The following PDE11A variants were observed in gnomAD, a reference collection of about 807,000 sequenced individuals.
PDE11A encodes dual 3',5'-cyclic-AMP and -GMP phosphodiesterase 11A.
In PDE11A, 100 loss-of-function variants were observed where a neutral mutation model predicts 100.5. The observed-to-expected ratio is 1.00, with a 90% confidence interval of 0.85 to 1.18. PDE11A has a LOEUF of 1.18. PDE11A is among the 50% of genes most tolerant of loss of function. The pLI, the probability that PDE11A is intolerant of heterozygous loss-of-function variation, is 0.00. For missense variants in PDE11A, 1,141 were observed against 1,152.6 expected, an observed-to-expected ratio of 0.99 and a Z score of 0.15; for synonymous variants, 381 against 420.8, an observed-to-expected ratio of 0.91 and a Z score of 1.16.
chr2:178,107,814 C>T (rs1391091352), intron 1 of PDE11A, among the ~76,000 whole-genome samples: 1 of 150,390 alleles, frequency 6.6e-6, no homozygotes, highest in Non-Finnish European at 1.5e-5. Flanking sequence ...CTCCGCTTCC[C>T]GGGTTCAAGT....
At chr2:177,668,707 C>T (rs2080627228) in intron 18 of PDE11A, among the ~76,000 whole-genome samples, 1 of 152,180 alleles carries the variant, frequency 6.6e-6, no homozygotes, top group South Asian at 2.1e-4. Context: ...TCCAAATGTT[C>T]AAGCTCAGTT....
intron 2 of PDE11A, among the ~76,000 whole-genome samples, chr2:177,966,802 T>C (rs1328760446): frequency 6.6e-6 from 1 of 152,172 alleles, no homozygotes. Context: ...CAGGGATGTA[T>C]GCCTGAAATT....
intron 1 of PDE11A, among the ~76,000 whole-genome samples, chr2:178,039,944 T>C (rs577554983): frequency 9.2e-5 from 14 of 151,816 alleles, no homozygotes; most frequent in East Asian, 5.8e-4. Flanking sequence ...GGCAAAGTCA[T>C]GGGGAGGGAA....
intron 1 of PDE11A, among the ~76,000 whole-genome samples, chr2:178,107,721 C>CTTTTTTTTTTTT (rs1159976078): frequency 1.6e-5 from 2 of 123,064 alleles, no homozygotes; most frequent in African/African-American, 3.0e-5. Flanking sequence ...CTTTTTTTTT[C>CTTTTTTTTTTTT]TTTTTTTTTT....
At chr2:177,790,936 G>C (rs547596804) in intron 9 of PDE11A, among the ~76,000 whole-genome samples, 159 of 152,326 alleles carry the variant, frequency 1.0e-3, no homozygotes, top group Admixed American at 2.4e-3. Context: ...TACACTGTTG[G>C]AGAGACTGTA....
chr2:177,719,406 C>G lies in PDE11A; in HGVS notation c.2044-7528G>C, dbSNP rs73028337. On this transcript the variant is annotated intron_variant, in intron 12 of 19. Transcript: ENST00000286063. Reference sequence around the variant, plus strand: ...TATGCTCCACCATGGATTCTGATGTCCAGGCACTGCAGCAGAGCCCTAGGT... The same window carrying G: ...TATGCTCCACCATGGATTCTGATGTGCAGGCACTGCAGCAGAGCCCTAGGT... Among the ~76,000 whole-genome samples, 912 of 152,260 alleles carry G rather than the reference C, an allele frequency of 6.0e-3. 10 individuals carry two copies. The highest frequency in any genetic ancestry group is 0.02 in the African/African-American group (843 of 41,558).
At chr2:177,854,701 C>A (rs1370658649) in intron 5 of PDE11A, among the ~76,000 whole-genome samples, 1 of 152,046 alleles carries the variant, frequency 6.6e-6, no homozygotes, top group Non-Finnish European at 1.5e-5. Flanking sequence ...AACTTTGTAA[C>A]AATGAAGCTT....
intron 12 of PDE11A, among the ~76,000 whole-genome samples, chr2:177,713,159 C>A (rs1056845700): frequency 6.6e-6 from 1 of 152,112 alleles, no homozygotes; most frequent in Non-Finnish European, 1.5e-5. Flanking sequence ...CAGGCACCCA[C>A]CACCACGCCC....
chr2:177,654,754 A>G (rs1387084131), intron 19 of PDE11A, among the ~76,000 whole-genome samples: 5 of 152,174 alleles, frequency 3.3e-5, no homozygotes. Flanking sequence ...TATTTTCTTT[A>G]CTGTTCTCAT....
chr2:177,723,131 G>T (rs1290292842), intron 12 of PDE11A: 1 of 152,072 alleles, frequency 6.6e-6, no homozygotes, highest in African/African-American at 2.4e-5. Flanking sequence ...CTTCCAGAAT[G>T]AATTTTCTAC....
intron 19 of PDE11A, among the ~76,000 whole-genome samples, chr2:177,645,241 A>G (rs2080205912): frequency 6.6e-6 from 1 of 152,158 alleles, no homozygotes; most frequent in African/African-American, 2.4e-5. Flanking sequence ...GCTGGAGTGC[A>G]GTGGCACAAA....
chr2:177,945,904 C>T (rs1467193085), intron 2 of PDE11A, among the ~76,000 whole-genome samples: 78 of 145,044 alleles, frequency 5.4e-4, no homozygotes, highest in African/African-American at 9.6e-4. Context: ...CCCGGCCAGC[C>T]GCCCCGTCCG....
intron 10 of PDE11A, among the ~76,000 whole-genome samples, chr2:177,737,128 T>C (rs967108608): frequency 4.6e-5 from 7 of 151,902 alleles, no homozygotes; most frequent in African/African-American, 1.7e-4. Context: ...TAATCCCAGG[T>C]ACTCTGGAGA....
chr2:177,990,163 A>G (rs570830841), intron 2 of PDE11A, among the ~76,000 whole-genome samples: 16 of 152,352 alleles, frequency 1.1e-4, no homozygotes, highest in East Asian at 5.8e-4. Flanking sequence ...TGGAATAAGG[A>G]TTAACCTAGT....
chr2:178,024,398 C>A (rs2086453056), intron 1 of PDE11A, among the ~76,000 whole-genome samples: 3 of 151,986 alleles, frequency 2.0e-5, no homozygotes, highest in African/African-American at 7.3e-5. Context: ...GGCAACAGAG[C>A]AAGATTCCAT....
chr2:177,907,950 C>T (rs189345275), intron 2 of PDE11A, among the ~76,000 whole-genome samples: 71 of 152,306 alleles, frequency 4.7e-4, no homozygotes, highest in African/African-American at 1.5e-3. Flanking sequence ...CCAGGAGTCT[C>T]ATGTCTTCTG....
At chr2:178,000,655 T>C (rs974774608) in intron 2 of PDE11A, among the ~76,000 whole-genome samples, 7 of 152,232 alleles carry the variant, frequency 4.6e-5, no homozygotes, top group Non-Finnish European at 7.3e-5. Context: ...CATAGCTGTA[T>C]ATGTACAAAG....
rs202037564 is a variant in PDE11A at position 177,777,257 on chromosome 2, A to G, written c.1738-7884T>C. Among the ~76,000 whole-genome samples, 100 of 104,598 alleles carry G rather than the reference A, an allele frequency of 9.6e-4. 4 individuals are homozygous for G. In the East Asian group the frequency reaches 0.021, roughly 22 times the overall value. The allele number at this position is 104,598 out of a possible 152,430, so 68.6% of individuals were successfully genotyped here. On this transcript the variant is annotated intron_variant, in intron 9 of 19. Coordinates refer to ENST00000286063, the MANE Select transcript of PDE11A (RefSeq NM_016953.4). Reference sequence around the variant, plus strand: ...TTGTTTAAGTGACCCAGTCTGTGGTATTTTGTTGTTATGGCAGCCCAAGCA... The same window carrying G: ...TTGTTTAAGTGACCCAGTCTGTGGTGTTTTGTTGTTATGGCAGCCCAAGCA...
At position 177,743,210 on chromosome 2, in the gene PDE11A, A is replaced by G. The variant is rs138146747; in HGVS notation, c.1789-15038T>C. On this transcript the variant is annotated intron_variant, in intron 10 of 19. Coordinates refer to ENST00000286063, the MANE Select transcript of PDE11A (RefSeq NM_016953.4). ...ACCAGGGGTGAAACTCAAGTTTTAA[A>G]TAATTGTACTTATTTTCTGTTAAAC... 2.2e-3 allele frequency among the ~76,000 whole-genome samples: 328 copies of G among 152,384 alleles called. 1 individual carries two copies. Among genetic ancestry groups the G allele is most frequent in the Middle Eastern group, 0.01 (3 of 294 alleles).
Sources: allele counts gnomAD v4.1 joint callset (sites outside exome capture counted in the v4.1 genomes callset), GRCh38; gene constraint gnomAD v4.1.1; transcripts MANE v1.5; gene names NCBI Gene and HGNC (gene_info 2026-07-23, HGNC 2026-07-21).